The following LEO1 variants were observed in gnomAD, a reference collection of about 807,000 sequenced individuals.
LEO1 encodes the protein RNA polymerase-associated protein LEO1.
Under a neutral mutation model 80.4 loss-of-function variants are expected in LEO1, and 34 were observed. The ratio of observed to expected loss-of-function variants is 0.42; its 90% CI spans 0.32 to 0.56. The LOEUF is 0.56. Ranked by LOEUF, LEO1 falls within the 20% of genes least tolerant of loss-of-function variation. LEO1 has a pLI of 0.10. For synonymous variants in LEO1, 262 were observed against 274.9 expected (o/e 0.95, Z 0.46); for missense variants, 631 against 814.2 (o/e 0.77, Z 2.74).
intron 11 of LEO1, among the ~76,000 whole-genome samples, chr15:51,942,684 G>A (rs2056863714): frequency 1.3e-5 from 2 of 152,096 alleles, no homozygotes; most frequent in Admixed American, 1.3e-4. Flanking sequence ...CACTTTGAGA[G>A]GCCGAGGTGG....
intron 11 of LEO1, among the ~76,000 whole-genome samples, chr15:51,940,087 C>T (rs139557525): frequency 6.6e-6 from 1 of 151,624 alleles, no homozygotes; most frequent in East Asian, 1.9e-4. Flanking sequence ...AACCCCGTCT[C>T]TACTAAAAAT....
chr15:51,961,208 C>A (rs147326382), intron 3 of LEO1, among the ~76,000 whole-genome samples: 3,499 of 152,236 alleles, frequency 0.023, 48 homozygotes, highest in Non-Finnish European at 0.034. Context: ...CATGGTGAAA[C>A]CCCGTCTCTA....
In LEO1 at chr15:51,960,737, C is replaced by A. The variant is rs762958216; in HGVS notation, c.920-4G>T. The A allele has an allele frequency of 1.2e-4, 189 of 1,560,844 alleles. No individual in the cohort carries two copies. Among genetic ancestry groups the A allele is most frequent in the Non-Finnish European group, 1.6e-4 (186 of 1,131,674 alleles). ...AAATCCATGGTTCCACTATTATCTT[C>A]AATGCAGAAGGAAAAAGGCATTAGT... On this transcript the variant is annotated splice_region_variant and splice_polypyrimidine_tract_variant and intron_variant, in intron 3 of 11. Transcript: ENST00000299601.
intron 7 of LEO1, among the ~76,000 whole-genome samples, chr15:51,953,926 T>C (rs1393818157): frequency 1.3e-5 from 2 of 151,032 alleles, no homozygotes; most frequent in East Asian, 2.0e-4. Flanking sequence ...ACTGTGTCTA[T>C]GAAATTTTTT....
At chr15:51,939,720 T>C (rs1191051068) in intron 11 of LEO1, among the ~76,000 whole-genome samples, 1 of 152,248 alleles carries the variant, frequency 6.6e-6, no homozygotes, top group Non-Finnish European at 1.5e-5. Flanking sequence ...TATTTTTTGG[T>C]AACCTTCCAA....
intron 2 of LEO1, among the ~76,000 whole-genome samples, chr15:51,964,547 T>TAAA (rs567387816): frequency 1.4e-4 from 20 of 140,924 alleles, no homozygotes; most frequent in African/African-American, 2.1e-4. Flanking sequence ...CTTAAAGTGT[T>TAAA]AAAAAAAAAA....
At chr15:51,946,702 A>G (rs1390147280) in intron 11 of LEO1, among the ~76,000 whole-genome samples, 3 of 151,894 alleles carry the variant, frequency 2.0e-5, no homozygotes, top group Non-Finnish European at 4.4e-5. Context: ...CACTACATCC[A>G]GCTAATTTTT....
At chr15:51,952,956 C>T (rs1308780610) in intron 8 of LEO1, among the ~76,000 whole-genome samples, 173 bp downstream of exon 8, 1 of 152,218 alleles carries the variant, frequency 6.6e-6, no homozygotes, top group Non-Finnish European at 1.5e-5. Context: ...GAAACAGCAA[C>T]TTTTAGTGTA....
At chr15:51,967,193 C>T (rs1260861735) in intron 1 of LEO1, among the ~76,000 whole-genome samples, 1 of 152,154 alleles carries the variant, frequency 6.6e-6, no homozygotes, top group East Asian at 1.9e-4. Flanking sequence ...ATAGCTGAGG[C>T]CAGGCATGGT....
chr15:51,960,152 CT>C, intron 4 of LEO1, 108 bp from the exon 5 acceptor site: 1 of 881,044 alleles, frequency 1.1e-6, no homozygotes, highest in Non-Finnish European at 1.7e-6. Context: ...TTAGATATCA[CT>C]TTAGGACTAA....
At chr15:51,963,269 G>A (rs966884774) in intron 2 of LEO1, among the ~76,000 whole-genome samples, 44 of 151,852 alleles carry the variant, frequency 2.9e-4, no homozygotes, top group Admixed American at 2.8e-3. Context: ...GAGCGAGACT[G>A]TCTCAAATAA....
At position 51,966,027 on chromosome 15, in the gene LEO1, G is replaced by C. The variant is rs751911413; in HGVS notation, c.536C>G (p.Ser179Cys). 6.2e-7 allele frequency: 1 copy of C among 1,614,046 alleles called. No homozygotes were observed. Among genetic ancestry groups the C allele is most frequent in the South Asian group, 1.1e-5 (1 of 91,076 alleles). The change falls in exon 2 of 12, where the codon TCT (serine) becomes TGT (cysteine). Residue 179 changes from serine (S) to cysteine (C), a missense_variant. By Grantham distance (112) the Ser-to-Cys change is moderately radical (BLOSUM62 -1). Around this residue, in one of 4 missense-constraint regions of LEO1, gnomAD observed 394 missense variants for 395.6 expected, o/e 1.00. Coordinates refer to ENST00000299601, the MANE Select transcript of LEO1 (RefSeq NM_138792.4). ...QGSDEDKLQN[S>C]DDDEKMQNTD... ...GTTCTGCATTTTCTCATCATCGTCAGAATTCTGCAGCTTATCTTCATCAGA... is the reference window on the plus strand; with the variant it reads ...GTTCTGCATTTTCTCATCATCGTCACAATTCTGCAGCTTATCTTCATCAGA...
intron 7 of LEO1, among the ~76,000 whole-genome samples, 191 bp downstream of exon 7, chr15:51,954,290 G>A (rs924412580): frequency 6.6e-6 from 1 of 151,914 alleles, no homozygotes; most frequent in Admixed American, 6.6e-5. Context: ...TGGGAGATGG[G>A]AGGATCACTT....
chr15:51,947,327 T>C lies in LEO1; in HGVS notation c.1861A>G (p.Arg621Gly), dbSNP rs1382410730. The C allele has an allele frequency of 6.2e-7, 1 of 1,613,824 alleles. No homozygotes were observed. Among genetic ancestry groups the C allele is most frequent in the East Asian group, 2.2e-5 (1 of 44,890 alleles). ...GTAAGTTTCTTTGCTTTGAGTAATC[T>C]TTGAGCTTTATCTTCTTCTGATCCC... ...DEGSEEDKAQRLLKAKKLTSD... is the reference protein window; with the variant it reads ...DEGSEEDKAQGLLKAKKLTSD... Residue 621 changes from arginine (R) to glycine (G), a missense_variant, in exon 11 of 12, where the codon AGA (arginine) becomes GGA (glycine). Around this residue, in one of 4 missense-constraint regions of LEO1, gnomAD observed 117 missense variants for 163.5 expected, o/e 0.72. Coordinates refer to ENST00000299601, the MANE Select transcript of LEO1 (RefSeq NM_138792.4).
At chr15:51,950,109 TG>T in intron 9 of LEO1, 115 bp from the exon 10 acceptor site, 1 of 922,356 alleles carries the variant, frequency 1.1e-6, no homozygotes. Context: ...AGCTGTGCCG[TG>T]TGTGTTCCCC....
intron 7 of LEO1, 141 bp from the exon 8 acceptor site, chr15:51,953,404 C>T (rs2056964254): frequency 2.7e-6 from 2 of 752,492 alleles, no homozygotes; most frequent in Middle Eastern, 3.4e-4. Context: ...AGGTGGATCA[C>T]GAGGTCAGGA....
At chr15:51,960,155 T>C in intron 4 of LEO1, 111 bp from the exon 5 acceptor site, 1 of 871,826 alleles carries the variant, frequency 1.1e-6, no homozygotes, top group Non-Finnish European at 1.7e-6. Context: ...GATATCACTT[T>C]AGGACTAAAG....
chr15:51,941,293 A>C (rs2056850300), intron 11 of LEO1, among the ~76,000 whole-genome samples: 1 of 152,208 alleles, frequency 6.6e-6, no homozygotes, highest in South Asian at 2.1e-4. Context: ...TAAATGACAA[A>C]AATATTTTTA....
At position 51,960,027 on chromosome 15, in the gene LEO1, A is replaced by C. The variant is rs2057017930; in HGVS notation, c.1032T>G (p.Pro344=). ...TTGGCTCCTCTTCCTGTTGATCCTG[A>C]GGCAATCCATTTTCATCCTAGTGAA... The part of the protein sequence containing the change: ...PGQPVDENGL[P]QDQQEEEPIP... Residue 344 remains proline, a synonymous_variant, in exon 5 of 12, where the codon CCT becomes CCG. Transcript: ENST00000299601. The C allele has an allele frequency of 1.2e-6, 2 of 1,611,984 alleles. No individual in the cohort carries two copies. Among genetic ancestry groups the C allele is most frequent in the Non-Finnish European group, 8.5e-7 (1 of 1,179,498 alleles).
Sources: gnomAD v4.1 joint callset for allele counts (sites outside exome capture counted in the v4.1 genomes callset) on GRCh38, gnomAD v4.1.1 for gene constraint, gnomAD v4.1.1 regional missense constraint, MANE v1.5 for transcripts, NCBI Gene and HGNC (gene_info 2026-07-23, HGNC 2026-07-21) for gene names.